Variants in COBLL1 observed in about 807,000 individuals in gnomAD.
The protein encoded by COBLL1 is cordon-bleu protein-like 1.
Under a neutral mutation model 94.8 loss-of-function variants are expected in COBLL1, and 50 were observed. The observed-to-expected ratio is 0.53, with a 90% CI of 0.42 to 0.67. COBLL1 has a LOEUF of 0.67. COBLL1 is among the 30% of genes least tolerant of loss of function. COBLL1 has a pLI of 0.00. For missense variants in COBLL1, 1,362 were observed against 1,348.7 expected, an observed-to-expected ratio of 1.01 and a Z score of -0.15; for synonymous variants, 448 against 473.8, an observed-to-expected ratio of 0.95 and a Z score of 0.71.
At chr2:164,765,015 G>C (rs1687865718) in intron 2 of COBLL1, among the ~76,000 whole-genome samples, 1 of 151,968 alleles carries the variant, frequency 6.6e-6, no homozygotes, top group Non-Finnish European at 1.5e-5. Context: ...AAAATAATTA[G>C]AAAATTATTG....
chr2:164,661,123 T>C (rs1260136403), intron 2 of COBLL1, among the ~76,000 whole-genome samples: 1 of 152,140 alleles, frequency 6.6e-6, no homozygotes, highest in Non-Finnish European at 1.5e-5. Flanking sequence ...GAGGAGAACA[T>C]TACTCTTTAG....
At chr2:164,714,039 A>C (rs1050749228) in intron 7 of COBLL1, among the ~76,000 whole-genome samples, 33 of 152,058 alleles carry the variant, frequency 2.2e-4, no homozygotes, top group Admixed American at 7.9e-4. Flanking sequence ...GAAGGAAAAA[A>C]AATGACAACG....
At chr2:164,768,253 G>C (rs1688034029) in intron 2 of COBLL1, among the ~76,000 whole-genome samples, 1 of 152,100 alleles carries the variant, frequency 6.6e-6, no homozygotes, top group South Asian at 2.1e-4. Flanking sequence ...TGAGAATACT[G>C]TGGATAGATC....
rs997211506 is a variant in COBLL1, at chr2:164,712,225, C to T, written c.997-7120G>A. On this transcript the variant is annotated intron_variant, in intron 7 of 13. Transcript: ENST00000652658. ...ATAAAAAGTGGGTCATTGAAATTGA[C>T]GTATCCTGGATTAAAGAGTTAAATG... Among the ~76,000 whole-genome samples the T allele has an allele frequency of 2.6e-5, 4 of 152,024 alleles. No homozygotes were observed. The East Asian group carries it at 5.8e-4, about 22-fold the overall frequency.
intron 2 of COBLL1, among the ~76,000 whole-genome samples, chr2:164,756,324 G>A (rs959484123): frequency 6.6e-6 from 1 of 152,132 alleles, no homozygotes; most frequent in Non-Finnish European, 1.5e-5. Context: ...GCCAGTTACT[G>A]AGATGCTAAG....
rs1023723753 is a variant in COBLL1 at position 164,805,082 on chromosome 2, G to A, written c.41+36074C>T. ...GCCTCAAGTGGCTAAGGGAAAAGATGCAGACTTTTCCATATTAATATTTGA... is the reference window on the plus strand; with the variant it reads ...GCCTCAAGTGGCTAAGGGAAAAGATACAGACTTTTCCATATTAATATTTGA... On this transcript the variant is annotated intron_variant, in intron 2 of 13. Coordinates refer to ENST00000652658, the MANE Select transcript of COBLL1 (RefSeq NM_001365672.2). 2.6e-5 allele frequency among the ~76,000 whole-genome samples: 4 copies of A among 151,784 alleles called. No individual in the cohort carries two copies. In the East Asian group the frequency reaches 7.8e-4, roughly 30 times the overall value.
chr2:164,818,135 CATGTAT>C (rs1684873791), intron 2 of COBLL1, among the ~76,000 whole-genome samples: 1 of 150,208 alleles, frequency 6.7e-6, no homozygotes, highest in Non-Finnish European at 1.5e-5. Flanking sequence ...CATATATGTA[CATGTAT>C]ATGTACATGT....
At chr2:164,719,646 C>T (rs967493234) in intron 7 of COBLL1, among the ~76,000 whole-genome samples, 1 of 152,092 alleles carries the variant, frequency 6.6e-6, no homozygotes, top group African/African-American at 2.4e-5. Flanking sequence ...AGGATACCTG[C>T]CACTGGATTT....
chr2:164,679,472 T>C (rs1296731443), downstream of COBLL1, among the ~76,000 whole-genome samples: 2 of 151,974 alleles, frequency 1.3e-5, no homozygotes, highest in South Asian at 2.1e-4. Context: ...ACAGTTACAA[T>C]TGGAATAAGG....
At chr2:164,750,928 A>T (rs1377195767) in intron 2 of COBLL1, among the ~76,000 whole-genome samples, 1 of 152,164 alleles carries the variant, frequency 6.6e-6, no homozygotes, top group Admixed American at 6.5e-5. Flanking sequence ...AACCAATGAG[A>T]CAACCTCAGC....
At chr2:164,773,692 A>G (rs1235388594) in intron 2 of COBLL1, 3 of 1,106,400 alleles carry the variant, frequency 2.7e-6, no homozygotes, top group African/African-American at 1.6e-5. Context: ...AGTTTTACAC[A>G]ACGTATTTAC....
rs1487337773 is a variant in COBLL1 at position 164,831,648 on chromosome 2, C to T, written c.41+9508G>A. On this transcript the variant is annotated intron_variant, in intron 2 of 13. Transcript: ENST00000652658. ...AACCCACTCCCACAGTGTAGCAGGACAGTTTGCTGAGGAGTCTGCCACCAA... is the reference window on the plus strand; with the variant it reads ...AACCCACTCCCACAGTGTAGCAGGATAGTTTGCTGAGGAGTCTGCCACCAA... Among the ~76,000 whole-genome samples the T allele has an allele frequency of 3.9e-5, 6 of 152,036 alleles. No homozygotes were observed. In the South Asian group the frequency reaches 6.3e-4, roughly 16 times the overall value.
At chr2:164,664,130 T>C (rs982624449) in intron 2 of COBLL1, among the ~76,000 whole-genome samples, 5 of 152,202 alleles carry the variant, frequency 3.3e-5, no homozygotes, top group Admixed American at 3.3e-4. Flanking sequence ...GGGTAAGGTT[T>C]TGCTTCCTGT....
chr2:164,683,005 T>TATACAC lies in COBLL1; in HGVS notation c.*2940_*2941insGTGTAT. 1 of 138,888 alleles carries TATACAC rather than the reference T, an allele frequency of 7.2e-6. No homozygotes were observed. The highest frequency in any genetic ancestry group is 2.4e-4 in the South Asian group (1 of 4,174). 8.6% of individuals were successfully genotyped at this position (138,888 alleles called of 1,614,324 possible). ...CTCCTTTCATGTTAAGAAACACACA[T>TATACAC]ACACACACACACACACACACACACA... On this transcript the variant is annotated 3_prime_UTR_variant, in exon 14 of 14. Coordinates refer to ENST00000652658, the MANE Select transcript of COBLL1 (RefSeq NM_001365672.2).
intron 2 of COBLL1, among the ~76,000 whole-genome samples, chr2:164,755,442 T>C (rs1687350037): frequency 6.6e-6 from 1 of 152,246 alleles, no homozygotes; most frequent in Admixed American, 6.5e-5. Context: ...AGAATGAATC[T>C]ACTTAAATAT....
rs1024481836 is a variant in COBLL1, at chr2:164,685,703, C to T, written c.*243G>A. ...ATTTGTAAAAAATGAAAATCATTTA[C>T]ACCTTGTTTTAAAGTTCTAAAGCAG... On this transcript the variant is annotated 3_prime_UTR_variant, in exon 14 of 14. Coordinates refer to ENST00000652658, the MANE Select transcript of COBLL1 (RefSeq NM_001365672.2). 1 of 330,150 alleles carries T rather than the reference C, an allele frequency of 3.0e-6. No individual in the cohort carries two copies. The highest frequency in any genetic ancestry group is 2.1e-5 in the African/African-American group (1 of 46,824). 20.5% of individuals were successfully genotyped at this position (330,150 alleles called of 1,614,324 possible).
chr2:164,840,771 A>G (rs1296659879), intron 2 of COBLL1: 2 of 179,460 alleles, frequency 1.1e-5, no homozygotes. Context: ...CCTGGGCCTC[A>G]GCCCATGACC....
intron 2 of COBLL1, among the ~76,000 whole-genome samples, chr2:164,661,817 A>G (rs946613144): frequency 4.9e-4 from 75 of 152,310 alleles, no homozygotes; most frequent in African/African-American, 1.7e-3. Flanking sequence ...ATTTAACTTA[A>G]GGCATATTTA....
chr2:164,800,980 T>C (rs951840210), intron 2 of COBLL1, among the ~76,000 whole-genome samples: 3 of 152,106 alleles, frequency 2.0e-5, no homozygotes, highest in Non-Finnish European at 4.4e-5. Flanking sequence ...GGTGGGAATT[T>C]TGTAAACATG....
Sources: gnomAD v4.1 joint callset for allele counts (sites outside exome capture counted in the v4.1 genomes callset) on GRCh38, gnomAD v4.1.1 for gene constraint, MANE v1.5 for transcripts, NCBI Gene and HGNC (gene_info 2026-07-23, HGNC 2026-07-21) for gene names.